The following SAMMSON variants were observed in gnomAD, a reference collection of about 807,000 sequenced individuals.
The protein encoded by SAMMSON is long intergenic non-protein coding RNA 1212.
At position 70,086,375 on chromosome 3, in the gene SAMMSON, G is replaced by A. The variant is rs116390311; in HGVS notation, n.507+14810G>A. Among the ~76,000 whole-genome samples, 1,029 of 152,324 alleles carry A rather than the reference G, an allele frequency of 6.8e-3. 6 individuals are homozygous for A. Among genetic ancestry groups the A allele is most frequent in the African/African-American group, 0.022 (898 of 41,572 alleles). ...CAAGACGAATTTGGGTATTTTCAAA[G>A]GGATCTATTACGTAGTAATGAAAGT... On this transcript the variant is annotated intron_variant and non_coding_transcript_variant, in intron 4 of 9. Transcript: ENST00000642114.
In SAMMSON at chr3:70,100,848, A is replaced by G. The variant is rs1327903499; in HGVS notation, n.507+29283A>G. Among the ~76,000 whole-genome samples, 6 of 152,330 alleles carry G rather than the reference A, an allele frequency of 3.9e-5. No individual in the cohort carries two copies. The South Asian group carries it at 6.2e-4, about 16-fold the overall frequency. On this transcript the variant is annotated intron_variant and non_coding_transcript_variant, in intron 4 of 9. Coordinates refer to ENST00000642114, the Ensembl canonical transcript of SAMMSON. ...CTGTCTCCATTACACATATTTTAGT[A>G]TGCAGATTATTTGCCCAACATAATT...
intron 4 of SAMMSON, among the ~76,000 whole-genome samples, chr3:70,202,040 A>G (rs934303688): frequency 2.0e-5 from 3 of 152,116 alleles, no homozygotes; most frequent in African/African-American, 7.2e-5. Context: ...AACCACAGTG[A>G]CTGTGGTCTA....
chr3:70,147,304 A>T (rs1411835262), intron 4 of SAMMSON, among the ~76,000 whole-genome samples: 1 of 152,062 alleles, frequency 6.6e-6, no homozygotes, highest in Admixed American at 6.6e-5. Flanking sequence ...TTTTTGTAAG[A>T]ATAGAATGTC....
At chr3:70,292,157 A>C (rs1702245047) in intron 7 of SAMMSON, 2 of 152,214 alleles carry the variant, frequency 1.3e-5, no homozygotes, top group Non-Finnish European at 2.9e-5. Context: ...GGCACTGGAC[A>C]AACTACTCCA....
intron 6 of SAMMSON, among the ~76,000 whole-genome samples, chr3:70,255,021 ACAATAC>A (rs561819346): frequency 9.2e-4 from 140 of 152,318 alleles, no homozygotes; most frequent in African/African-American, 3.2e-3. Context: ...TAATTTTACA[ACAATAC>A]TTTTTGAAAT....
At chr3:70,181,581 C>T (rs1701053487) in intron 4 of SAMMSON, among the ~76,000 whole-genome samples, 1 of 152,164 alleles carries the variant, frequency 6.6e-6, no homozygotes, top group South Asian at 2.1e-4. Context: ...GGTTGTTGAA[C>T]TGAGTAGAAT....
chr3:70,093,439 A>G (rs558020024), intron 4 of SAMMSON, among the ~76,000 whole-genome samples: 1 of 152,186 alleles, frequency 6.6e-6, no homozygotes, highest in South Asian at 2.1e-4. Context: ...TGGATTGTAG[A>G]TCTTTCTGCC....
intron 3 of SAMMSON, among the ~76,000 whole-genome samples, chr3:70,043,676 A>C (rs981246271): frequency 8.5e-5 from 13 of 152,132 alleles, no homozygotes; most frequent in Non-Finnish European, 1.9e-4. Flanking sequence ...TGTGTTTATA[A>C]ACTGATAGAC....
chr3:70,091,705 A>G (rs2067305443), intron 4 of SAMMSON, among the ~76,000 whole-genome samples: 1 of 152,162 alleles, frequency 6.6e-6, no homozygotes, highest in African/African-American at 2.4e-5. Flanking sequence ...GTGACAGGCA[A>G]ATATTTGGTG....
At position 70,283,405 on chromosome 3, in the gene SAMMSON, A is replaced by G. The variant is rs1702108374; in HGVS notation, n.675-7774A>G. On this transcript the variant is annotated intron_variant and non_coding_transcript_variant, in intron 6 of 9. Coordinates refer to ENST00000642114, the Ensembl canonical transcript of SAMMSON. ...GGATGGTTATTGTTCAGGCTGACGA[A>G]TACTGAAATTCTCCCTGGATACTGT... Among the ~76,000 whole-genome samples, 4 of 152,116 alleles carry G rather than the reference A, an allele frequency of 2.6e-5. No homozygotes were observed. In the South Asian group the frequency reaches 8.3e-4, roughly 32 times the overall value.
chr3:70,261,537 C>T (rs1701866899), intron 6 of SAMMSON, among the ~76,000 whole-genome samples: 1 of 152,140 alleles, frequency 6.6e-6, no homozygotes, highest in Non-Finnish European at 1.5e-5. Context: ...GGTAATGACT[C>T]ACTTCCATAT....
chr3:70,385,652 G>A (rs1703116929), intron 9 of SAMMSON, among the ~76,000 whole-genome samples: 1 of 151,986 alleles, frequency 6.6e-6, no homozygotes, highest in Non-Finnish European at 1.5e-5. Flanking sequence ...TGTCAATACT[G>A]AAGATTTTGA....
rs191357137 is a variant in SAMMSON at position 70,407,800 on chromosome 3, C to T, written n.233+49476C>T. Among the ~76,000 whole-genome samples, 14 of 152,340 alleles carry T rather than the reference C, an allele frequency of 9.2e-5. No individual in the cohort carries two copies. The East Asian group carries it at 2.5e-3, about 27-fold the overall frequency. Reference sequence around the variant, plus strand: ...TGGTGGCCGTCTTCTCACAGCTCCACTAGGTGGTGCCCCAGCAGGGGGCAG... The same window carrying T: ...TGGTGGCCGTCTTCTCACAGCTCCATTAGGTGGTGCCCCAGCAGGGGGCAG... On this transcript the variant is annotated intron_variant and non_coding_transcript_variant, in intron 2 of 3. Transcript: ENST00000641053.
chr3:70,061,263 C>A (rs1000979596), intron 3 of SAMMSON, among the ~76,000 whole-genome samples: 6 of 151,982 alleles, frequency 3.9e-5, no homozygotes, highest in Admixed American at 3.9e-4. Context: ...GCCTAGCAGG[C>A]GAATGCAACT....
At chr3:70,045,075 T>A (rs1313785596) in intron 3 of SAMMSON, among the ~76,000 whole-genome samples, 1 of 87,062 alleles carries the variant, frequency 1.1e-5, no homozygotes, top group East Asian at 3.8e-4. Context: ...TATATTATAA[T>A]TAATATATAT....
At chr3:70,047,086 C>T (rs1218708939) in intron 3 of SAMMSON, among the ~76,000 whole-genome samples, 1 of 152,098 alleles carries the variant, frequency 6.6e-6, no homozygotes, top group African/African-American at 2.4e-5. Context: ...TACCATTGTT[C>T]TGCTTACTGC....
At chr3:70,250,876 G>C (rs146369469) in intron 6 of SAMMSON, among the ~76,000 whole-genome samples, 1 of 152,018 alleles carries the variant, frequency 6.6e-6, no homozygotes, top group African/African-American at 2.4e-5. Flanking sequence ...TAGTAAGAAG[G>C]CTTCATCAAA....
intron 8 of SAMMSON, chr3:70,354,325 A>C (rs1033524278): frequency 6.6e-6 from 1 of 152,232 alleles, no homozygotes; most frequent in Non-Finnish European, 1.5e-5. Context: ...TATTTGTTCT[A>C]TACTCAAACT....
chr3:70,105,799 T>C (rs909942732), intron 4 of SAMMSON, among the ~76,000 whole-genome samples: 1 of 152,204 alleles, frequency 6.6e-6, no homozygotes, highest in Non-Finnish European at 1.5e-5. Context: ...AGGGGTCTTT[T>C]GGGTCTCTCC....
Sources: gnomAD v4.1 joint callset for allele counts (sites outside exome capture counted in the v4.1 genomes callset) on GRCh38, gnomAD v4.1.1 for gene constraint, MANE v1.5 for transcripts, NCBI Gene and HGNC (gene_info 2026-07-23, HGNC 2026-07-21) for gene names.